Variants in LCLAT1 observed in about 807,000 individuals in gnomAD.
The protein encoded by LCLAT1 is 1-AGP acyltransferase 8.
A neutral mutation model predicts 30.7 loss-of-function variants in LCLAT1; 11 were observed. The ratio of observed to expected loss-of-function variants is 0.36; its 90% CI spans 0.23 to 0.59. The LOEUF is 0.59. Ranked by LOEUF, LCLAT1 falls within the 20% of genes least tolerant of loss-of-function variation. LCLAT1 has a pLI of 0.77. For synonymous variants in LCLAT1, 155 were observed against 151.3 expected (o/e 1.02, Z -0.18); for missense variants, 402 against 458.6 (o/e 0.88, Z 1.13).
chr2:30,631,674 C>T (rs531501066), intron 5 of LCLAT1, among the ~76,000 whole-genome samples: 11 of 152,218 alleles, frequency 7.2e-5, no homozygotes, highest in Non-Finnish European at 1.5e-4. Context: ...AAAAATATTC[C>T]TTGCAAATTT....
chr2:30,598,966 GTTTC>G (rs993782535), intron 5 of LCLAT1, among the ~76,000 whole-genome samples: 12 of 149,836 alleles, frequency 8.0e-5, no homozygotes, highest in African/African-American at 2.2e-4. Context: ...TTTTGAGTGA[GTTTC>G]TTTTTTTTTT....
chr2:30,520,357 T>A lies in LCLAT1; in HGVS notation c.-4-5230T>A, dbSNP rs369882672. Among the ~76,000 whole-genome samples, 11 of 152,352 alleles carry A rather than the reference T, an allele frequency of 7.2e-5. No individual in the cohort carries two copies. The East Asian group carries it at 1.7e-3, about 24-fold the overall frequency. On this transcript the variant is annotated intron_variant, in intron 1 of 5. Coordinates refer to ENST00000379509, the MANE Select transcript of LCLAT1 (RefSeq NM_001002257.3). ...TGTATGAGGTATTAAAAATTTAGTT[T>A]ATAATTGTAACATCTTTATTTTATA...
chr2:30,453,473 TTG>T (rs1681667100), intron 1 of LCLAT1, among the ~76,000 whole-genome samples: 1 of 152,232 alleles, frequency 6.6e-6, no homozygotes, highest in African/African-American at 2.4e-5. Context: ...TTTTTTCTGT[TTG>T]TGTAGCCTTT....
chr2:30,635,479 C>T (rs1402490651), intron 5 of LCLAT1, among the ~76,000 whole-genome samples: 5 of 152,016 alleles, frequency 3.3e-5, no homozygotes, highest in Admixed American at 1.3e-4. Context: ...TTTTTAGTTT[C>T]TAACATTACA....
intron 1 of LCLAT1, chr2:30,459,491 C>G: frequency 1.4e-6 from 1 of 733,990 alleles, no homozygotes; most frequent in Non-Finnish European, 2.5e-6. Flanking sequence ...ATCTGATGAG[C>G]CCGGTGCACT....
chr2:30,509,253 C>CT (rs1419499994), intron 1 of LCLAT1, among the ~76,000 whole-genome samples: 1 of 152,164 alleles, frequency 6.6e-6, no homozygotes, highest in African/African-American at 2.4e-5. Context: ...TTTGGATGCT[C>CT]TTTATTTCTT....
chr2:30,552,036 C>A (rs1159953705), intron 3 of LCLAT1, among the ~76,000 whole-genome samples: 2 of 152,134 alleles, frequency 1.3e-5, no homozygotes, highest in East Asian at 3.8e-4. Flanking sequence ...ATGTGGACAT[C>A]TTTTGGGGGA....
chr2:30,503,950 CCT>C (rs1185350543), intron 1 of LCLAT1, among the ~76,000 whole-genome samples: 2 of 152,260 alleles, frequency 1.3e-5, no homozygotes, highest in African/African-American at 4.8e-5. Context: ...TCTAAGATCC[CCT>C]TCTAATGGAA....
intron 3 of LCLAT1, among the ~76,000 whole-genome samples, chr2:30,533,725 T>C (rs192174515): frequency 1.6e-4 from 24 of 152,362 alleles, no homozygotes. Context: ...GTTCGAAGCA[T>C]TCATTATGCT....
rs1010100353 is a variant in LCLAT1, at chr2:30,538,561, G to A, written c.364+5247G>A. On this transcript the variant is annotated intron_variant, in intron 3 of 5. Coordinates refer to ENST00000379509, the MANE Select transcript of LCLAT1 (RefSeq NM_001002257.3). ...GAGGCAGGAGGATCGCTTGAACCCAGGAGGTGGAGGTTGCAGTGAGCTGAG... is the reference window on the plus strand; with the variant it reads ...GAGGCAGGAGGATCGCTTGAACCCAAGAGGTGGAGGTTGCAGTGAGCTGAG... 2.2e-4 allele frequency among the ~76,000 whole-genome samples: 34 copies of A among 152,010 alleles called. 1 individual carries two copies. Among genetic ancestry groups the A allele is most frequent in the Non-Finnish European group, 1.0e-4 (7 of 68,006 alleles).
intron 1 of LCLAT1, among the ~76,000 whole-genome samples, chr2:30,508,425 T>C (rs1423520150): frequency 2.0e-5 from 3 of 152,224 alleles, no homozygotes; most frequent in Non-Finnish European, 4.4e-5. Context: ...AAGTCTCTAA[T>C]CCATCTTGAG....
At chr2:30,619,722 T>G (rs1452769935) in intron 5 of LCLAT1, among the ~76,000 whole-genome samples, 1 of 152,160 alleles carries the variant, frequency 6.6e-6, no homozygotes, top group Non-Finnish European at 1.5e-5. Context: ...GTGGTAAACT[T>G]AGAAGCCACG....
chr2:30,475,314 T>C (rs4952129), intron 1 of LCLAT1, among the ~76,000 whole-genome samples: 19,325 of 152,190 alleles, frequency 0.13, 1,364 homozygotes, highest in South Asian at 0.23. Flanking sequence ...TATGGAAACT[T>C]ATAATTTTCT....
chr2:30,597,766 T>G (rs1666992721), intron 5 of LCLAT1, among the ~76,000 whole-genome samples: 1 of 152,206 alleles, frequency 6.6e-6, no homozygotes, highest in South Asian at 2.1e-4. Flanking sequence ...TTCAGTGTAA[T>G]CCTGGCTGTG....
chr2:30,484,214 G>A (rs1042194837), intron 1 of LCLAT1, among the ~76,000 whole-genome samples: 3 of 152,036 alleles, frequency 2.0e-5, no homozygotes, highest in Admixed American at 1.3e-4. Flanking sequence ...ACTCAAATTC[G>A]CTTTCAAAGT....
chr2:30,561,247 G>A (rs143312348), intron 3 of LCLAT1, among the ~76,000 whole-genome samples: 276 of 152,174 alleles, frequency 1.8e-3, no homozygotes, highest in Non-Finnish European at 3.2e-3. Flanking sequence ...GCGGCCTCTT[G>A]TATGCTATTT....
chr2:30,523,612 G>A (rs1685576116), intron 1 of LCLAT1, among the ~76,000 whole-genome samples: 1 of 152,232 alleles, frequency 6.6e-6, no homozygotes, highest in Non-Finnish European at 1.5e-5. Context: ...GCTTACGCCT[G>A]TAATCCCAGC....
intron 5 of LCLAT1, among the ~76,000 whole-genome samples, chr2:30,611,020 TC>T (rs1295582076): frequency 1.7e-4 from 26 of 151,722 alleles, no homozygotes; most frequent in African/African-American, 6.3e-4. Flanking sequence ...TGATCATCTT[TC>T]CCCCAATATT....
chr2:30,538,701 T>A (rs1176978289), intron 3 of LCLAT1, among the ~76,000 whole-genome samples: 1 of 150,488 alleles, frequency 6.6e-6, no homozygotes, highest in Non-Finnish European at 1.5e-5. Flanking sequence ...ATATGAGATA[T>A]TACAACTGAT....
Sources: allele counts gnomAD v4.1 joint callset (sites outside exome capture counted in the v4.1 genomes callset), GRCh38; gene constraint gnomAD v4.1.1; transcripts MANE v1.5; gene names NCBI Gene and HGNC (gene_info 2026-07-23, HGNC 2026-07-21).